Variants in ZBTB20 observed in about 807,000 individuals in gnomAD.
ZBTB20 encodes the protein zinc finger and BTB domain-containing protein 20.
Under a neutral mutation model 56.9 loss-of-function variants are expected in ZBTB20, and 9 were observed. The ratio of observed to expected loss-of-function variants is 0.16; its 90% CI spans 0.10 to 0.28. The LOEUF (loss-of-function observed/expected upper bound fraction) is 0.28. Ranked by LOEUF, ZBTB20 falls within the 10% of genes least tolerant of loss-of-function variation. The pLI, the probability that ZBTB20 is intolerant of heterozygous loss-of-function variation, is 1.00. For synonymous variants in ZBTB20, 417 were observed against 420.7 expected (o/e 0.99, Z 0.11); for missense variants, 655 against 1,003.0 (o/e 0.65, Z 4.69).
intron 5 of ZBTB20, among the ~76,000 whole-genome samples, chr3:114,750,302 G>T (rs988306024): frequency 6.6e-6 from 1 of 152,170 alleles, no homozygotes; most frequent in Non-Finnish European, 1.5e-5. Context: ...GCCCTAGCCT[G>T]CAGGTTACAC....
intron 2 of ZBTB20, among the ~76,000 whole-genome samples, chr3:115,065,758 C>T (rs551494208): frequency 1.3e-5 from 2 of 152,204 alleles, no homozygotes; most frequent in East Asian, 3.9e-4. Flanking sequence ...AATGGAAACC[C>T]AAAGAGGTTA....
intron 3 of ZBTB20, among the ~76,000 whole-genome samples, chr3:114,953,247 A>T (rs1270137971): frequency 6.6e-6 from 1 of 151,364 alleles, no homozygotes; most frequent in African/African-American, 2.4e-5. Flanking sequence ...ACAATAGATA[A>T]ATTTAAATTG....
chr3:114,510,208 G>T (rs1577185286), intron 6 of ZBTB20, among the ~76,000 whole-genome samples: 1 of 152,252 alleles, frequency 6.6e-6, no homozygotes, highest in East Asian at 1.9e-4. Flanking sequence ...TACCAGATTT[G>T]CCAGGTCCTT....
intron 7 of ZBTB20, among the ~76,000 whole-genome samples, chr3:114,457,485 G>T (rs1276182598): frequency 6.6e-6 from 1 of 152,134 alleles, no homozygotes; most frequent in Non-Finnish European, 1.5e-5. Context: ...ATCTCTACTA[G>T]AAAGGATTGG....
At chr3:115,037,286 G>T (rs562780066) in intron 2 of ZBTB20, among the ~76,000 whole-genome samples, 19 of 151,946 alleles carry the variant, frequency 1.3e-4, no homozygotes, top group Non-Finnish European at 2.5e-4. Flanking sequence ...TTTTGGGGGG[G>T]GCGGAGTGAG....
rs1193617111 is a variant in ZBTB20 at position 114,336,334 on chromosome 3, T to C, written c.*2671A>G. On this transcript the variant is annotated 3_prime_UTR_variant, in exon 12 of 12. Transcript: ENST00000675478. ...TATTGGTGGTAAGTGGAAATATTAG[T>C]CTTACAACACTGCTATTTTAAAAAG... The C allele has an allele frequency of 2.0e-5, 3 of 152,162 alleles. No homozygotes were observed. Among genetic ancestry groups the C allele is most frequent in the Non-Finnish European group, 4.4e-5 (3 of 68,022 alleles). The allele number at this position is 152,162 out of a possible 1,614,324, so 9.4% of individuals were successfully genotyped here. A position where few individuals can be genotyped will look rare whatever the true frequency, so the allele number is the denominator to read the frequency against.
intron 7 of ZBTB20, among the ~76,000 whole-genome samples, chr3:114,480,599 G>T (rs1343449738): frequency 6.6e-6 from 1 of 152,178 alleles, no homozygotes; most frequent in East Asian, 1.9e-4. Context: ...AGGGTGGTCA[G>T]GTTTGAACTG....
intron 4 of ZBTB20, among the ~76,000 whole-genome samples, chr3:114,811,578 T>C (rs2072516026): frequency 6.6e-6 from 1 of 152,232 alleles, no homozygotes; most frequent in African/African-American, 2.4e-5. Flanking sequence ...TCAGAATGTA[T>C]AAAGCATTAA....
chr3:114,451,913 T>C (rs1256331005), intron 7 of ZBTB20, among the ~76,000 whole-genome samples: 1 of 152,064 alleles, frequency 6.6e-6, no homozygotes, highest in Non-Finnish European at 1.5e-5. Context: ...AGCTATCACC[T>C]GTCACTGTAC....
At chr3:114,531,916 G>C (rs887375786) in intron 6 of ZBTB20, among the ~76,000 whole-genome samples, 1 of 152,188 alleles carries the variant, frequency 6.6e-6, no homozygotes, top group Non-Finnish European at 1.5e-5. Context: ...AGCCGAGAAA[G>C]CCGCGAGGGA....
chr3:115,123,562 T>C (rs552448087), intron 1 of ZBTB20, among the ~76,000 whole-genome samples: 1 of 152,282 alleles, frequency 6.6e-6, no homozygotes, highest in Admixed American at 6.5e-5. Flanking sequence ...TATACCACTT[T>C]ATAAGCTCTG....
intron 1 of ZBTB20, chr3:115,144,730 T>C (rs1164862501): frequency 6.6e-6 from 1 of 152,228 alleles, no homozygotes; most frequent in Non-Finnish European, 1.5e-5. Flanking sequence ...TGGGTAAGCA[T>C]AAAGACTTCT....
intron 2 of ZBTB20, among the ~76,000 whole-genome samples, chr3:115,042,623 T>C (rs776747506): frequency 2.6e-5 from 4 of 152,216 alleles, no homozygotes; most frequent in Non-Finnish European, 5.9e-5. Flanking sequence ...TTCGTTTGAC[T>C]TTGAATTACC....
At chr3:114,787,218 T>G (rs1578863845) in intron 5 of ZBTB20, among the ~76,000 whole-genome samples, 1 of 151,180 alleles carries the variant, frequency 6.6e-6, no homozygotes, top group African/African-American at 2.4e-5. Context: ...GCTCAAGCAT[T>G]CCTCCTCCCT....
intron 7 of ZBTB20, among the ~76,000 whole-genome samples, chr3:114,407,515 T>C (rs2087453835): frequency 6.6e-6 from 1 of 152,130 alleles, no homozygotes; most frequent in Non-Finnish European, 1.5e-5. Flanking sequence ...ACTAACATAA[T>C]GACAATTGGG....
intron 5 of ZBTB20, among the ~76,000 whole-genome samples, chr3:114,696,824 A>G (rs1363988188): frequency 6.6e-6 from 1 of 152,072 alleles, no homozygotes; most frequent in Admixed American, 6.6e-5. Flanking sequence ...AGAGAGAGAG[A>G]AAGAGAGAGA....
intron 5 of ZBTB20, among the ~76,000 whole-genome samples, chr3:114,748,635 A>G (rs1417204530): frequency 6.6e-6 from 1 of 152,098 alleles, no homozygotes; most frequent in Non-Finnish European, 1.5e-5. Context: ...GCATAAAGGC[A>G]AAGAGGAAAG....
intron 3 of ZBTB20, among the ~76,000 whole-genome samples, chr3:114,955,712 A>G (rs995701881): frequency 2.6e-5 from 4 of 151,938 alleles, no homozygotes; most frequent in Non-Finnish European, 1.5e-5. Context: ...AACAACTGCC[A>G]CTCCATCACC....
chr3:114,807,884 T>A (rs921038042), intron 4 of ZBTB20, among the ~76,000 whole-genome samples: 1 of 152,106 alleles, frequency 6.6e-6, no homozygotes. Context: ...CTTTGCCACA[T>A]TTGGTTTGTG....
Sources: allele counts gnomAD v4.1 joint callset (sites outside exome capture counted in the v4.1 genomes callset), GRCh38; gene constraint gnomAD v4.1.1; transcripts MANE v1.5; gene names NCBI Gene and HGNC (gene_info 2026-07-23, HGNC 2026-07-21).